PPP1R12B: variants seen among roughly 807,000 people sequenced by gnomAD.
PPP1R12B encodes myosin phosphatase target subunit 2.
A neutral mutation model predicts 126.1 loss-of-function variants in PPP1R12B; 76 were observed. The observed-to-expected ratio is 0.60, with a 90% CI of 0.50 to 0.73. The LOEUF is 0.73. Among genes scored for constraint, PPP1R12B ranks in the 30% least tolerant of loss-of-function variants. PPP1R12B has a pLI of 0.00. For synonymous variants in PPP1R12B, 356 were observed against 434.7 expected (o/e 0.82, Z 2.25); for missense variants, 1,052 against 1,205.1 (o/e 0.87, Z 1.88).
intron 18 of PPP1R12B, among the ~76,000 whole-genome samples, chr1:202,538,359 A>C (rs1172271294): frequency 6.6e-6 from 1 of 152,218 alleles, no homozygotes; most frequent in African/African-American, 2.4e-5. Flanking sequence ...TTCTTAAGGA[A>C]GATGGAATAA....
intron 23 of PPP1R12B, among the ~76,000 whole-genome samples, chr1:202,574,054 A>G (rs1486197056): frequency 6.6e-6 from 1 of 152,028 alleles, no homozygotes; most frequent in Non-Finnish European, 1.5e-5. Flanking sequence ...GAGGAAAACT[A>G]TCAGGGTTAA....
intron 1 of PPP1R12B, among the ~76,000 whole-genome samples, chr1:202,399,717 C>G (rs181599846): frequency 1.3e-5 from 2 of 152,024 alleles, no homozygotes. Flanking sequence ...AGGATGGTCT[C>G]GATCTCCTGA....
At chr1:202,564,350 T>C in intron 20 of PPP1R12B, 93 bp from the exon 21 acceptor site, 1 of 856,246 alleles carries the variant, frequency 1.2e-6, no homozygotes, top group African/African-American at 1.7e-5. Context: ...CATATAGTGG[T>C]GGCTTGGGGC....
intron 1 of PPP1R12B, among the ~76,000 whole-genome samples, chr1:202,362,676 T>C (rs1658437793): frequency 6.8e-6 from 1 of 147,444 alleles, no homozygotes; most frequent in African/African-American, 2.5e-5. Context: ...TTTTTTGTAA[T>C]AAGGAAATAA....
chr1:202,364,722 G>A (rs761110148), intron 1 of PPP1R12B, among the ~76,000 whole-genome samples: 2 of 152,130 alleles, frequency 1.3e-5, no homozygotes, highest in Admixed American at 6.5e-5. Flanking sequence ...GACTACAGGC[G>A]CCCGCCACCA....
chr1:202,364,669 T>C (rs375619165), intron 1 of PPP1R12B, among the ~76,000 whole-genome samples: 145 of 152,226 alleles, frequency 9.5e-4, no homozygotes, highest in Middle Eastern at 3.4e-3. Context: ...CTCCGCCTCC[T>C]GGGTTCACGC....
intron 18 of PPP1R12B, among the ~76,000 whole-genome samples, chr1:202,539,234 A>C (rs1684857564): frequency 6.6e-6 from 1 of 152,160 alleles, no homozygotes; most frequent in South Asian, 2.1e-4. Context: ...GGACACTGGA[A>C]GGTTGGTGAG....
At chr1:202,417,296 A>G (rs531770652) in intron 2 of PPP1R12B, 8 of 985,306 alleles carry the variant, frequency 8.1e-6, no homozygotes, top group Non-Finnish European at 9.6e-6. Context: ...TTTTAAAAAA[A>G]TCAGTGCTTA....
rs187020845 is a variant in PPP1R12B at position 202,536,740 on chromosome 1, C to T, written c.2491-22137C>T. Among the ~76,000 whole-genome samples the T allele has an allele frequency of 3.9e-3, 588 of 151,710 alleles. 4 individuals carry two copies. The highest frequency in any genetic ancestry group is 0.013 in the African/African-American group (539 of 41,428). ...CACATACAGCTGTACAAAAATATTT[C>T]TTTATATTCTTAATCTATAAGCTTT... On this transcript the variant is annotated intron_variant, in intron 18 of 23. Coordinates refer to ENST00000608999, the MANE Select transcript of PPP1R12B (RefSeq NM_002481.4).
chr1:202,402,764 A>G lies in PPP1R12B; in HGVS notation c.292-14023A>G, dbSNP rs1325990073. The stretch of plus-strand genomic sequence containing the variant: ...CCTGAGAGATGCAACTCAAACACCT[A>G]CAGTGAGGGGTAACATATACAGACA... On this transcript the variant is annotated intron_variant, in intron 1 of 23. Coordinates refer to ENST00000608999, the MANE Select transcript of PPP1R12B (RefSeq NM_002481.4). 2.0e-5 allele frequency among the ~76,000 whole-genome samples: 3 copies of G among 152,224 alleles called. No individual in the cohort carries two copies. The East Asian group carries it at 5.8e-4, about 29-fold the overall frequency.
At chr1:202,372,501 C>CAA (rs1223978648) in intron 1 of PPP1R12B, among the ~76,000 whole-genome samples, 16 of 144,938 alleles carry the variant, frequency 1.1e-4, no homozygotes, top group African/African-American at 4.1e-4. Flanking sequence ...GACCCTGTCT[C>CAA]AAAAAAAAAA....
chr1:202,481,337 A>G (rs1324260450), intron 13 of PPP1R12B, among the ~76,000 whole-genome samples: 1 of 152,238 alleles, frequency 6.6e-6, no homozygotes, highest in African/African-American at 2.4e-5. Flanking sequence ...TGAGAAAGCT[A>G]TCACAATACT....
At chr1:202,523,033 G>T (rs751189917) in intron 18 of PPP1R12B, among the ~76,000 whole-genome samples, 42 of 152,178 alleles carry the variant, frequency 2.8e-4, no homozygotes, top group Non-Finnish European at 5.6e-4. Flanking sequence ...AATTTGAACA[G>T]CATAATTAAC....
At chr1:202,433,809 T>C (rs1306351215) in intron 8 of PPP1R12B, among the ~76,000 whole-genome samples, 1 of 152,248 alleles carries the variant, frequency 6.6e-6, no homozygotes, top group Non-Finnish European at 1.5e-5. Flanking sequence ...GACTGTTCTC[T>C]GTTTATGTCC....
chr1:202,385,785 G>A (rs1663019459), intron 1 of PPP1R12B, among the ~76,000 whole-genome samples: 1 of 152,010 alleles, frequency 6.6e-6, no homozygotes, highest in Admixed American at 6.6e-5. Context: ...AGTCCAAGAG[G>A]GTTTTTTTGT....
In PPP1R12B at chr1:202,588,866, G is replaced by GAT. The variant is rs1553332245; in HGVS notation, c.*8308_*8309dup. 4.2e-5 allele frequency: 6 copies of GAT among 143,434 alleles called. No homozygotes were observed. Among genetic ancestry groups the GAT allele is most frequent in the African/African-American group, 1.5e-4 (5 of 34,120 alleles). 8.9% of individuals were successfully genotyped at this position (143,434 alleles called of 1,614,324 possible). A position where few individuals can be genotyped will look rare whatever the true frequency, so the allele number is the denominator to read the frequency against. On this transcript the variant is annotated 3_prime_UTR_variant, in exon 24 of 24. Transcript: ENST00000608999. The stretch of plus-strand genomic sequence containing the variant: ...AGATAGATAGATAGATAGATAGATA[G>GAT]ATAGATATCAAGGTTCCAAGCTTCA...
intron 1 of PPP1R12B, among the ~76,000 whole-genome samples, chr1:202,413,284 A>G (rs1667637923): frequency 6.6e-6 from 1 of 152,248 alleles, no homozygotes; most frequent in Non-Finnish European, 1.5e-5. Flanking sequence ...ATTTTCGTCT[A>G]AATGAAATCA....
In PPP1R12B at chr1:202,582,290, T is replaced by A. The variant is rs1467013850; in HGVS notation, c.*1730T>A. 1 of 152,618 alleles carries A rather than the reference T, an allele frequency of 6.6e-6. No homozygotes were observed. The highest frequency in any genetic ancestry group is 1.5e-5 in the Non-Finnish European group (1 of 68,038). The allele number at this position is 152,618 out of a possible 1,614,324, so 9.5% of individuals were successfully genotyped here. A position where few individuals can be genotyped will look rare whatever the true frequency, so the allele number is the denominator to read the frequency against. On this transcript the variant is annotated 3_prime_UTR_variant, in exon 24 of 24. Transcript: ENST00000608999. The stretch of plus-strand genomic sequence containing the variant: ...CAAAACCAGCCTTTAAAATATCATG[T>A]CCAGGCCTGGAAAGAATACAAATCC...
intron 1 of PPP1R12B, among the ~76,000 whole-genome samples, chr1:202,369,330 G>C (rs1424358920): frequency 1.3e-5 from 2 of 152,220 alleles, no homozygotes; most frequent in African/African-American, 4.8e-5. Flanking sequence ...GGGGGAAACA[G>C]TGATACCATT....
Sources: gnomAD v4.1 joint callset for allele counts (sites outside exome capture counted in the v4.1 genomes callset) on GRCh38, gnomAD v4.1.1 for gene constraint, MANE v1.5 for transcripts, NCBI Gene and HGNC (gene_info 2026-07-23, HGNC 2026-07-21) for gene names.